PRR5L: variants seen among roughly 807,000 people sequenced by gnomAD.
PRR5L encodes proline rich 5 like.
In PRR5L, 21 loss-of-function variants were observed where a neutral mutation model predicts 36.4. The ratio of observed to expected loss-of-function variants is 0.58; its 90% CI spans 0.41 to 0.83. PRR5L has a LOEUF of 0.83. PRR5L is among the 40% of genes least tolerant of loss of function. PRR5L has a pLI of 0.00. For synonymous variants in PRR5L, 188 were observed against 197.0 expected, an observed-to-expected ratio of 0.95 and a Z score of 0.38; for missense variants, 381 against 473.3, an observed-to-expected ratio of 0.80 and a Z score of 1.81.
At chr11:36,349,179 G>A (rs1467517145) in intron 1 of PRR5L, among the ~76,000 whole-genome samples, 2 of 151,342 alleles carry the variant, frequency 1.3e-5, no homozygotes, top group African/African-American at 4.9e-5. Context: ...CAGCACTTGG[G>A]AGGTTGAGGC....
rs1565408410 is a variant in PRR5L, at chr11:36,351,529, TTATATAAATATATATTTATATATA to T, written c.-125-49466_-125-49443del. On this transcript the variant is annotated intron_variant, in intron 1 of 8. Transcript: ENST00000530639. Reference sequence around the variant, plus strand: ...TATATATTTATATATATTTATATATTTATATAAATATATATTTATATATATTTATATATTTATATATTTATATAA... The same window carrying T: ...TATATATTTATATATATTTATATATTTTTATATATTTATATATTTATATAA... Among the ~76,000 whole-genome samples the T allele has an allele frequency of 8.0e-3, 244 of 30,496 alleles. 21 individuals carry two copies. Among genetic ancestry groups the T allele is most frequent in the African/African-American group, 0.042 (208 of 4,998 alleles). 20.0% of individuals were successfully genotyped at this position (30,496 alleles called of 152,430 possible).
intron 1 of PRR5L, among the ~76,000 whole-genome samples, chr11:36,369,526 C>T (rs1045860874): frequency 2.0e-5 from 3 of 152,080 alleles, no homozygotes; most frequent in African/African-American, 7.2e-5. Flanking sequence ...CAGATGCCCC[C>T]CAAAGGCATC....
chr11:36,371,204 G>T (rs1218465377), intron 1 of PRR5L, among the ~76,000 whole-genome samples: 1 of 152,162 alleles, frequency 6.6e-6, no homozygotes, highest in African/African-American at 2.4e-5. Context: ...AGACTTCAGG[G>T]TTCTCAATTT....
chr11:36,354,575 A>G (rs1857007287), intron 1 of PRR5L, among the ~76,000 whole-genome samples: 1 of 152,224 alleles, frequency 6.6e-6, no homozygotes, highest in African/African-American at 2.4e-5. Context: ...TAAAATTGAA[A>G]GTGAGAAAAT....
At chr11:36,356,720 C>T (rs1857031765) in intron 1 of PRR5L, among the ~76,000 whole-genome samples, 1 of 152,176 alleles carries the variant, frequency 6.6e-6, no homozygotes, top group Non-Finnish European at 1.5e-5. Flanking sequence ...ACACACTGTA[C>T]CCGATAAGAT....
At position 36,464,181 on chromosome 11, in the gene PRR5L, T is replaced by TAAC. The variant is rs1859248750; in HGVS notation, c.*1447_*1449dup. 6.6e-6 allele frequency: 1 copy of TAAC among 152,168 alleles called. No homozygotes were observed. The highest frequency in any genetic ancestry group is 2.4e-5 in the African/African-American group (1 of 41,414). 9.4% of individuals were successfully genotyped at this position (152,168 alleles called of 1,614,324 possible). On this transcript the variant is annotated 3_prime_UTR_variant, in exon 9 of 9. Transcript: ENST00000530639. ...TCTTTGTAGTTGTCGGTCTCACTGA[T>TAAC]AACAGCTCCAGAAAAAAAGACAAGG...
chr11:36,429,869 T>C (rs775365997), intron 4 of PRR5L, among the ~76,000 whole-genome samples: 12 of 152,208 alleles, frequency 7.9e-5, no homozygotes, highest in Non-Finnish European at 1.5e-4. Flanking sequence ...CCAGCTCAGC[T>C]GTCACAAGAT....
chr11:36,413,722 TTTA>T (rs202023235), intron 3 of PRR5L, among the ~76,000 whole-genome samples: 3,955 of 151,520 alleles, frequency 0.026, 77 homozygotes, highest in Non-Finnish European at 0.038. Flanking sequence ...TTTATTTTAT[TTTA>T]TTATTATTAT....
intron 4 of PRR5L, among the ~76,000 whole-genome samples, chr11:36,428,147 C>T (rs921903850): frequency 1.3e-5 from 2 of 152,280 alleles, no homozygotes; most frequent in Admixed American, 1.3e-4. Context: ...TCTGTCAGCA[C>T]CTTGGGAGTA....
At chr11:36,430,272 C>T (rs1171343505) in intron 4 of PRR5L, among the ~76,000 whole-genome samples, 1 of 151,650 alleles carries the variant, frequency 6.6e-6, no homozygotes, top group Non-Finnish European at 1.5e-5. Context: ...ATTAGCTGGG[C>T]ATGGTGGCTG....
intron 1 of PRR5L, among the ~76,000 whole-genome samples, chr11:36,330,715 T>A (rs896941921): frequency 5.9e-5 from 9 of 152,256 alleles, no homozygotes; most frequent in African/African-American, 2.2e-4. Context: ...CTCTGTGACA[T>A]ATTAATACAA....
At chr11:36,410,779 A>C (rs541203070) in intron 3 of PRR5L, among the ~76,000 whole-genome samples, 3 of 152,262 alleles carry the variant, frequency 2.0e-5, no homozygotes, top group Admixed American at 6.5e-5. Context: ...GGGCCTTTCT[A>C]TCTGTTCCTG....
intron 3 of PRR5L, 85 bp downstream of exon 3, chr11:36,403,463 G>GTTTGTT: frequency 4.8e-5 from 31 of 649,432 alleles, no homozygotes; most frequent in South Asian, 1.0e-4. Flanking sequence ...AGCCTTAAGG[G>GTTTGTT]TTTTTTTTTT....
intron 1 of PRR5L, among the ~76,000 whole-genome samples, chr11:36,320,683 G>A (rs1856606404): frequency 6.6e-6 from 1 of 152,222 alleles, no homozygotes; most frequent in Admixed American, 6.5e-5. Context: ...AAGGCAGAGT[G>A]TGAACTGGTA....
At chr11:36,457,119 C>T (rs1187801661) in intron 8 of PRR5L, among the ~76,000 whole-genome samples, 4 of 152,204 alleles carry the variant, frequency 2.6e-5, no homozygotes, top group African/African-American at 7.2e-5. Flanking sequence ...AATCATCTGA[C>T]GAATTCTCAT....
intron 4 of PRR5L, among the ~76,000 whole-genome samples, chr11:36,423,591 C>T (rs1403658450): frequency 6.6e-6 from 1 of 152,102 alleles, no homozygotes; most frequent in Non-Finnish European, 1.5e-5. Flanking sequence ...GGACAGGCTC[C>T]TCTAACAAGC....
intron 6 of PRR5L, among the ~76,000 whole-genome samples, chr11:36,445,715 T>C (rs749788700): frequency 7.9e-5 from 12 of 152,244 alleles, no homozygotes; most frequent in Non-Finnish European, 1.8e-4. Flanking sequence ...ATCTAAACTA[T>C]GTAGAATCAT....
intron 4 of PRR5L, among the ~76,000 whole-genome samples, chr11:36,431,430 C>T (rs1187156091): frequency 6.6e-6 from 1 of 151,762 alleles, no homozygotes; most frequent in African/African-American, 2.4e-5. Flanking sequence ...CTCTTTCATG[C>T]TAGTGTGAGA....
intron 1 of PRR5L, among the ~76,000 whole-genome samples, chr11:36,329,578 C>T (rs116162900): frequency 0.011 from 1,721 of 152,246 alleles, 30 homozygotes; most frequent in African/African-American, 0.039. Flanking sequence ...TAAGATTACC[C>T]TTGTTTATAA....
Sources: allele counts gnomAD v4.1 joint callset (sites outside exome capture counted in the v4.1 genomes callset), GRCh38; gene constraint gnomAD v4.1.1; transcripts MANE v1.5; gene names NCBI Gene and HGNC (gene_info 2026-07-23, HGNC 2026-07-21).